The following LYST variants were observed in gnomAD, a reference collection of about 807,000 sequenced individuals.
LYST encodes lysosomal trafficking regulator.
LYST carries 192 observed loss-of-function variants against 413.6 expected under a neutral mutation model. That is an observed-to-expected ratio of 0.46 (90% confidence interval 0.41 to 0.52). The LOEUF (loss-of-function observed/expected upper bound fraction) is 0.52. Among genes scored for constraint, LYST ranks in the 20% least tolerant of loss-of-function variants. The probability of loss-of-function intolerance (pLI) is 0.00; values close to 1 mark genes in which losing one functional copy is unlikely to be tolerated. For synonymous variants in LYST, 1,525 were observed against 1,567.3 expected (o/e 0.97, Z 0.64); for missense variants, 3,815 against 4,499.9 (o/e 0.85, Z 4.35).
chr1:235,737,917 G>GAA, intron 31 of LYST: 9 of 1,160,136 alleles, frequency 7.8e-6, no homozygotes, highest in South Asian at 7.9e-5. Flanking sequence ...CTGCCGACGA[G>GAA]TCTGGATCTC....
intron 47 of LYST, among the ~76,000 whole-genome samples, chr1:235,688,074 T>A (rs10754720): frequency 0.68 from 103,384 of 152,032 alleles, 37,306 homozygotes; most frequent in African/African-American, 0.9. Flanking sequence ...TTCTATTTGT[T>A]AGGATTGATA....
rs980623368 is a variant in LYST, at chr1:235,686,392, A to G, written c.10800+557T>C. 2.6e-5 allele frequency among the ~76,000 whole-genome samples: 4 copies of G among 152,080 alleles called. No individual in the cohort carries two copies. Among genetic ancestry groups the G allele is most frequent in the African/African-American group, 9.7e-5 (4 of 41,396 alleles). ...AAAAAACAAAAACAAAACAAAACAA[A>G]ACAAAACCCCCCAAAAACAGTAAAT... On this transcript the variant is annotated intron_variant, in intron 48 of 52. Transcript: ENST00000389793. The surrounding 1 kb of genome is among the most constrained non-coding windows in gnomAD (Gnocchi z 4.0).
intron 1 of LYST, among the ~76,000 whole-genome samples, chr1:235,862,846 CA>C (rs1442668809): frequency 4.1e-5 from 6 of 145,566 alleles, no homozygotes; most frequent in Non-Finnish European, 1.5e-5. Flanking sequence ...CACACACACA[CA>C]CCCCTTCAAG....
At chr1:235,737,941 C>T (rs899506566) in intron 31 of LYST, 1 of 1,208,778 alleles carries the variant, frequency 8.3e-7, no homozygotes, top group South Asian at 3.2e-5. Context: ...GCCGCGTGCC[C>T]CAACACCCGC....
intron 1 of LYST, among the ~76,000 whole-genome samples, chr1:235,875,821 G>A (rs1334971485): frequency 6.6e-6 from 1 of 152,186 alleles, no homozygotes; most frequent in Non-Finnish European, 1.5e-5. Flanking sequence ...GTGACAGAGC[G>A]AGACTCTGTT....
At chr1:235,847,689 A>G (rs1678039822) in intron 1 of LYST, among the ~76,000 whole-genome samples, 1 of 152,206 alleles carries the variant, frequency 6.6e-6, no homozygotes, top group Non-Finnish European at 1.5e-5. Context: ...CATACGGTAA[A>G]GGGGTGGGAA....
At chr1:235,729,448 T>C in intron 37 of LYST, 148 bp downstream of exon 37, 1 of 667,718 alleles carries the variant, frequency 1.5e-6, no homozygotes, top group Non-Finnish European at 2.7e-6. Flanking sequence ...CATATGCAAT[T>C]ACATATAATG....
intron 1 of LYST, among the ~76,000 whole-genome samples, chr1:235,834,572 A>G (rs2103016828): frequency 6.6e-6 from 1 of 152,194 alleles, no homozygotes; most frequent in East Asian, 1.9e-4. Context: ...AAATGCTCAA[A>G]TCTGGAAAAC....
At chr1:235,760,307 A>C (rs1667462056) in intron 22 of LYST, among the ~76,000 whole-genome samples, 1 of 152,170 alleles carries the variant, frequency 6.6e-6, no homozygotes, top group Admixed American at 6.5e-5. Flanking sequence ...CCTAGCATAG[A>C]GCTCAACATA....
chr1:235,739,446 A>ATTT (rs34401214), intron 31 of LYST, among the ~76,000 whole-genome samples: 2 of 152,166 alleles, frequency 1.3e-5, no homozygotes, highest in Admixed American at 6.5e-5. Context: ...TAAATCCAAT[A>ATTT]TTGCATGTAT....
intron 14 of LYST, among the ~76,000 whole-genome samples, chr1:235,783,680 T>C (rs1449032980): frequency 6.6e-6 from 1 of 152,058 alleles, no homozygotes; most frequent in South Asian, 2.1e-4. Flanking sequence ...AATAAAATAG[T>C]GTTTTTAAGG....
chr1:235,746,913 T>A (rs1032268816), intron 28 of LYST, among the ~76,000 whole-genome samples: 1 of 152,238 alleles, frequency 6.6e-6, no homozygotes. Context: ...AATTTTTTAG[T>A]AAGAATACTA....
intron 27 of LYST, 104 bp from the exon 28 acceptor site, chr1:235,751,466 T>A (rs1003092726): frequency 6.6e-6 from 7 of 1,053,286 alleles, no homozygotes; most frequent in Middle Eastern, 2.4e-4. Context: ...TATAAATTTT[T>A]AAATTTTGAT....
chr1:235,782,493 C>A (rs1052272748), intron 14 of LYST, among the ~76,000 whole-genome samples: 1 of 152,030 alleles, frequency 6.6e-6, no homozygotes, highest in Non-Finnish European at 1.5e-5. Context: ...AATTCTTGAA[C>A]AATTTTCTTG....
At chr1:235,840,172 A>G (rs1677058197) in intron 1 of LYST, 1 of 152,264 alleles carries the variant, frequency 6.6e-6, no homozygotes, top group Non-Finnish European at 1.5e-5. Context: ...AGAAGATTAC[A>G]TTACGGTGGC....
At chr1:235,752,930 C>A in intron 26 of LYST, 114 bp downstream of exon 26, 1 of 611,356 alleles carries the variant, frequency 1.6e-6, no homozygotes, top group South Asian at 2.1e-5. Context: ...TTCAGAGGTA[C>A]ACAGAAAGGC....
At chr1:235,688,907 C>T (rs985504721) in intron 47 of LYST, among the ~76,000 whole-genome samples, 1 of 151,570 alleles carries the variant, frequency 6.6e-6, no homozygotes, top group African/African-American at 2.4e-5. Context: ...ATCGCTTGAA[C>T]CCAGGAGGGG....
Position 235,752,146 on chromosome 1 carries a change from G to A in LYST, c.7486C>T (p.Leu2496Phe). 2 of 1,610,694 alleles carry A rather than the reference G, an allele frequency of 1.2e-6. No homozygotes were observed. The highest frequency in any genetic ancestry group is 8.5e-7 in the Non-Finnish European group (1 of 1,177,552). ...AAAAGTTGCTGTATATCACAAGCAA[G>A]CAATTTATATTCACTCATGGGAATG... is the stretch of plus-strand genomic sequence containing the variant. The part of the protein sequence containing the change: ...KNIPMSEYKL[L>F]ACDIQQLFIA... The change falls in exon 27 of 53, where the codon CTT becomes TTT. Residue 2496 changes from leucine to phenylalanine, a missense_variant. Coordinates refer to ENST00000389793, the MANE Select transcript of LYST (RefSeq NM_000081.4).
rs368638396 is a variant in LYST at position 235,841,079 on chromosome 1, CCAGTGACTAACTTCTTTA to C, written c.-97-7430_-97-7413del. Among the ~76,000 whole-genome samples the C allele has an allele frequency of 5.6e-3, 855 of 152,310 alleles. 15 individuals are homozygous for C. The highest frequency in any genetic ancestry group is 0.018 in the African/African-American group (757 of 41,566). On this transcript the variant is annotated intron_variant, in intron 1 of 52. Coordinates refer to ENST00000389793, the MANE Select transcript of LYST (RefSeq NM_000081.4). ...TGAGCTGAGTCCTCTGTCTATTAGG[CCAGTGACTAACTTCTTTA>C]CAGTGACTACTGAGACTAAATCCAC...
Sources: gnomAD v4.1 joint callset for allele counts (sites outside exome capture counted in the v4.1 genomes callset) on GRCh38, gnomAD v4.1.1 for gene constraint, Gnocchi (gnomAD v3.1) non-coding constraint, MANE v1.5 for transcripts, NCBI Gene and HGNC (gene_info 2026-07-23, HGNC 2026-07-21) for gene names.